The following SORCS3 variants were observed in gnomAD, a reference collection of about 807,000 sequenced individuals.
SORCS3 encodes the protein sortilin related VPS10 domain containing receptor 3.
A neutral mutation model predicts 146.3 loss-of-function variants in SORCS3; 57 were observed. The ratio of observed to expected loss-of-function variants is 0.39; its 90% CI spans 0.31 to 0.49. SORCS3 has a LOEUF of 0.49. SORCS3 is among the 20% of genes least tolerant of loss of function. The probability of loss-of-function intolerance (pLI) is 0.92; values close to 1 mark genes in which losing one functional copy is unlikely to be tolerated. For missense variants in SORCS3, 1,341 were observed against 1,575.5 expected (o/e 0.85, Z 2.52); for synonymous variants, 653 against 618.5 (o/e 1.06, Z -0.83).
At position 105,147,688 on chromosome 10, in the gene SORCS3, G is replaced by A. The variant is rs150451910; in HGVS notation, c.1374G>A (p.Thr458=). 27 of 1,612,940 alleles carry A rather than the reference G, an allele frequency of 1.7e-5. No individual in the cohort carries two copies. Among genetic ancestry groups the A allele is most frequent in the African/African-American group, 1.3e-4 (10 of 74,822 alleles). Residue 458 remains threonine, a synonymous_variant, in exon 9 of 27, where the codon ACG becomes ACA. Coordinates refer to ENST00000369701, the MANE Select transcript of SORCS3 (RefSeq NM_014978.3). ...AAVQEWNQND[T]YNLYISDTRG... is the part of the protein sequence containing the mutation. ...TCCAAGAATGGAACCAGAACGACACGTACAACCTCTACATCTCAGACACGC... is the reference window on the plus strand; with the variant it reads ...TCCAAGAATGGAACCAGAACGACACATACAACCTCTACATCTCAGACACGC...
At chr10:105,259,665 A>G (rs1428928410) in intron 25 of SORCS3, among the ~76,000 whole-genome samples, 1 of 152,166 alleles carries the variant, frequency 6.6e-6, no homozygotes, top group Admixed American at 6.6e-5. Context: ...TTCTTTCCAT[A>G]ACTGAAGATC....
chr10:104,783,866 G>A (rs1381322794), intron 1 of SORCS3, among the ~76,000 whole-genome samples: 1 of 152,202 alleles, frequency 6.6e-6, no homozygotes, highest in African/African-American at 2.4e-5. Flanking sequence ...TGCCCTAGAG[G>A]TGTATTTGTA....
intron 6 of SORCS3, among the ~76,000 whole-genome samples, chr10:105,090,828 A>G (rs2133741459): frequency 6.6e-6 from 1 of 152,198 alleles, no homozygotes; most frequent in South Asian, 2.1e-4. Flanking sequence ...AAACTGAAAA[A>G]TGTTGTATAA....
intron 7 of SORCS3, among the ~76,000 whole-genome samples, chr10:105,129,277 C>T (rs1401162765): frequency 6.7e-6 from 1 of 149,436 alleles, no homozygotes; most frequent in Admixed American, 6.7e-5. Flanking sequence ...CTTGCAATAT[C>T]TTCTTTAACC....
At chr10:105,059,124 G>T (rs1254867498) in intron 5 of SORCS3, among the ~76,000 whole-genome samples, 1 of 152,104 alleles carries the variant, frequency 6.6e-6, no homozygotes, top group Admixed American at 6.6e-5. Flanking sequence ...TAGTTAAGAG[G>T]TCATTTTGAA....
At chr10:105,261,543 G>A (rs2056960456) in intron 25 of SORCS3, among the ~76,000 whole-genome samples, 1 of 152,170 alleles carries the variant, frequency 6.6e-6, no homozygotes, top group Admixed American at 6.5e-5. Context: ...TAATGTTTGA[G>A]AAGCCCTGGA....
intron 4 of SORCS3, among the ~76,000 whole-genome samples, chr10:105,021,739 T>C (rs2055199481): frequency 6.6e-6 from 1 of 152,198 alleles, no homozygotes; most frequent in Non-Finnish European, 1.5e-5. Context: ...TCATCTGTTT[T>C]CTCATGGTGT....
rs1349492045 is a variant in SORCS3, at chr10:105,158,895, T to C, written c.1633T>C (p.Phe545Leu). Residue 545 changes from phenylalanine to leucine, a missense_variant, in exon 11 of 27, where the codon TTC becomes CTC. By Grantham distance (22) the Phe-to-Leu change is conservative. Coordinates refer to ENST00000369701, the MANE Select transcript of SORCS3 (RefSeq NM_014978.3). The stretch of plus-strand genomic sequence containing the variant: ...ACTATTTCTTTCTCCATTTTAGCCC[T>C]TCTGTTCCTTACATCTGCACCTGCA... Reference protein sequence around the residue: ...RGSPVHCLLPFCSLHLHLQLS... With the variant: ...RGSPVHCLLPLCSLHLHLQLS... The C allele has an allele frequency of 6.2e-7, 1 of 1,610,748 alleles. No individual in the cohort carries two copies. The highest frequency in any genetic ancestry group is 1.7e-5 in the Admixed American group (1 of 59,958).
At chr10:104,672,574 TGTAA>T (rs2015868236) in intron 1 of SORCS3, among the ~76,000 whole-genome samples, 1 of 152,162 alleles carries the variant, frequency 6.6e-6, no homozygotes, top group Non-Finnish European at 1.5e-5. Context: ...GTTTTTTAAT[TGTAA>T]GTGTTTATAG....
At chr10:104,897,653 A>G (rs2018811740) in intron 2 of SORCS3, among the ~76,000 whole-genome samples, 1 of 152,220 alleles carries the variant, frequency 6.6e-6, no homozygotes, top group South Asian at 2.1e-4. Context: ...TTGGTAAACT[A>G]TGGAATGGTA....
chr10:105,192,347 A>T (rs550571919), intron 14 of SORCS3, among the ~76,000 whole-genome samples: 1 of 152,168 alleles, frequency 6.6e-6, no homozygotes, highest in South Asian at 2.1e-4. Context: ...GGGGTAAGCC[A>T]TCCCAAGCAG....
At chr10:104,724,146 C>T (rs1231565771) in intron 1 of SORCS3, among the ~76,000 whole-genome samples, 7 of 152,162 alleles carry the variant, frequency 4.6e-5, no homozygotes, top group Non-Finnish European at 8.8e-5. Context: ...GTGCTTCCTT[C>T]AGGAGCTCTT....
chr10:104,658,555 A>T (rs750626354), intron 1 of SORCS3, among the ~76,000 whole-genome samples: 1 of 152,194 alleles, frequency 6.6e-6, no homozygotes, highest in Non-Finnish European at 1.5e-5. Context: ...ACAGTTCATT[A>T]TGTTGGCCAT....
intron 1 of SORCS3, among the ~76,000 whole-genome samples, chr10:104,731,006 A>C (rs2016699847): frequency 1.3e-5 from 2 of 152,238 alleles, no homozygotes; most frequent in African/African-American, 2.4e-5. Flanking sequence ...GTCTGGGGCC[A>C]GGGGGCCAAG....
intron 14 of SORCS3, among the ~76,000 whole-genome samples, chr10:105,192,038 A>T (rs1361573681): frequency 6.9e-6 from 1 of 145,704 alleles, no homozygotes; most frequent in African/African-American, 2.5e-5. Flanking sequence ...TGGTGATGAA[A>T]ACAAAGAATA....
intron 5 of SORCS3, among the ~76,000 whole-genome samples, chr10:105,075,692 A>G (rs1174859921): frequency 3.3e-5 from 5 of 152,152 alleles, no homozygotes; most frequent in Non-Finnish European, 7.4e-5. Context: ...CTAACAATCA[A>G]CAGTGTAACA....
At chr10:104,888,478 A>G (rs1451503002) in intron 2 of SORCS3, among the ~76,000 whole-genome samples, 1 of 152,226 alleles carries the variant, frequency 6.6e-6, no homozygotes, top group East Asian at 1.9e-4. Flanking sequence ...TGTGATCTAC[A>G]TGTGCTACCA....
intron 1 of SORCS3, among the ~76,000 whole-genome samples, chr10:104,731,081 G>A (rs188196995): frequency 6.6e-6 from 1 of 152,320 alleles, no homozygotes; most frequent in East Asian, 1.9e-4. Flanking sequence ...GGGTTTAACT[G>A]CATGAGTGAA....
At chr10:104,980,837 G>C (rs2054927756) in intron 4 of SORCS3, among the ~76,000 whole-genome samples, 1 of 152,194 alleles carries the variant, frequency 6.6e-6, no homozygotes, top group South Asian at 2.1e-4. Flanking sequence ...ATCTCACTCA[G>C]TAAAGGCACT....
Sources: gnomAD v4.1 joint callset for allele counts (sites outside exome capture counted in the v4.1 genomes callset) on GRCh38, gnomAD v4.1.1 for gene constraint, MANE v1.5 for transcripts, NCBI Gene and HGNC (gene_info 2026-07-23, HGNC 2026-07-21) for gene names.